ARK2N: variants seen among roughly 807,000 people sequenced by gnomAD.
ARK2N encodes protein ARK2N.
the ARK2N span, among the ~76,000 whole-genome samples, chr18:46,175,878 G>A: frequency 1.3e-5 from 2 of 152,144 alleles, no homozygotes; most frequent in African/African-American, 4.8e-5. Context: ...GGATATTGGA[G>A]CTGGAAACTT....
the ARK2N span, among the ~76,000 whole-genome samples, chr18:46,224,392 C>A: frequency 6.6e-6 from 1 of 152,212 alleles, no homozygotes; most frequent in East Asian, 1.9e-4. Flanking sequence ...TAAAACAGAT[C>A]TTTTGTGTGA....
the ARK2N span, among the ~76,000 whole-genome samples, chr18:46,238,036 A>G: frequency 6.6e-6 from 1 of 152,212 alleles, no homozygotes; most frequent in Non-Finnish European, 1.5e-5. Context: ...TTATGCTTGT[A>G]TTTCCTACTG....
the ARK2N span, chr18:46,216,822 G>A: frequency 2.1e-6 from 1 of 467,552 alleles, no homozygotes; most frequent in Non-Finnish European, 3.8e-6. The surrounding 1 kb of genome is among the most constrained non-coding windows in gnomAD (Gnocchi z 4.3). Context: ...TTAATGATAG[G>A]GACAAGATTA....
chr18:46,253,775 C>T, the ARK2N span: 10 of 1,613,170 alleles, frequency 6.2e-6, no homozygotes, highest in Admixed American at 5.0e-5. Flanking sequence ...ATTAACATTG[C>T]GTCTTCAGAT....
the ARK2N span, among the ~76,000 whole-genome samples, chr18:46,253,060 C>T: frequency 1.3e-5 from 2 of 152,304 alleles, no homozygotes; most frequent in East Asian, 3.9e-4. Flanking sequence ...TTCAGTTGCT[C>T]AGAGCCAAAA....
the ARK2N span, chr18:46,253,755 C>T: frequency 6.2e-7 from 1 of 1,613,364 alleles, no homozygotes. Context: ...ATGCGCCACT[C>T]AATGAAGAAA....
chr18:46,231,566 C>CT, the ARK2N span, among the ~76,000 whole-genome samples: 287 of 100,708 alleles, frequency 2.8e-3, 1 homozygote, highest in Middle Eastern at 0.012. Flanking sequence ...AGGTTTGGGG[C>CT]TTTTTTTTTT....
the ARK2N span, among the ~76,000 whole-genome samples, chr18:46,211,546 A>G: frequency 6.6e-6 from 1 of 152,336 alleles, no homozygotes; most frequent in African/African-American, 2.4e-5. Context: ...GACGAGCATG[A>G]TACCTGGAGA....
At chr18:46,184,093 C>T in the ARK2N span, among the ~76,000 whole-genome samples, 125 of 152,170 alleles carry the variant, frequency 8.2e-4, no homozygotes, top group African/African-American at 2.7e-3. Flanking sequence ...TGGGTTCAAG[C>T]GATTTTCCTG....
the ARK2N span, among the ~76,000 whole-genome samples, chr18:46,186,759 C>T: frequency 7.9e-3 from 1,193 of 151,566 alleles, 6 homozygotes; most frequent in Non-Finnish European, 0.012. Context: ...CCGCCCACCT[C>T]GGCCTCCCAA....
At chr18:46,183,215 A>G in the ARK2N span, among the ~76,000 whole-genome samples, 15 of 152,214 alleles carry the variant, frequency 9.9e-5, no homozygotes, top group South Asian at 2.7e-3. Context: ...TTCCCCCTCC[A>G]TTTCTTTTCC....
At chr18:46,175,991 G>A in the ARK2N span, among the ~76,000 whole-genome samples, 1 of 152,070 alleles carries the variant, frequency 6.6e-6, no homozygotes, top group African/African-American at 2.4e-5. Flanking sequence ...TTTGTTTTAT[G>A]GTTATGATTA....
chr18:46,179,552 C>G, the ARK2N span, among the ~76,000 whole-genome samples: 1 of 151,994 alleles, frequency 6.6e-6, no homozygotes, highest in Non-Finnish European at 1.5e-5. Flanking sequence ...CACACTCAGC[C>G]TACAGGGCCT....
the ARK2N span, among the ~76,000 whole-genome samples, chr18:46,198,649 G>T: frequency 6.6e-6 from 1 of 151,886 alleles, no homozygotes; most frequent in Non-Finnish European, 1.5e-5. Flanking sequence ...GTCCAGGCTG[G>T]AGTGCAGTGG....
the ARK2N span, among the ~76,000 whole-genome samples, chr18:46,197,149 T>A: frequency 1.3e-5 from 2 of 152,130 alleles, no homozygotes; most frequent in African/African-American, 4.8e-5. Context: ...TGTGAACAGA[T>A]AAAAAAAGAT....
chr18:46,257,097 A>G, the ARK2N span, among the ~76,000 whole-genome samples: 2 of 152,202 alleles, frequency 1.3e-5, no homozygotes, highest in Non-Finnish European at 2.9e-5. Context: ...ATTTGCATGT[A>G]TAGAGTAGAT....
the ARK2N span, among the ~76,000 whole-genome samples, chr18:46,250,369 A>T: frequency 6.6e-6 from 1 of 152,102 alleles, no homozygotes; most frequent in Non-Finnish European, 1.5e-5. Flanking sequence ...CTCAGCTTTT[A>T]TTAGTGCACT....
chr18:46,266,376 T>C, the ARK2N span: 6 of 152,646 alleles, frequency 3.9e-5, no homozygotes, highest in Non-Finnish European at 8.8e-5. Context: ...GTGACTTCCA[T>C]GTAGATATAA....
the ARK2N span, among the ~76,000 whole-genome samples, chr18:46,192,669 C>T: frequency 6.6e-6 from 1 of 151,588 alleles, no homozygotes; most frequent in South Asian, 2.1e-4. Flanking sequence ...CAGGTTCAAG[C>T]GATTCTCCTG....
Sources: gnomAD v4.1 joint callset for allele counts (sites outside exome capture counted in the v4.1 genomes callset) on GRCh38, gnomAD v4.1.1 for gene constraint, Gnocchi (gnomAD v3.1) non-coding constraint, MANE v1.5 for transcripts, NCBI Gene and HGNC (gene_info 2026-07-23, HGNC 2026-07-21) for gene names.